Variants in INPP4B observed in about 807,000 individuals in gnomAD.
The protein encoded by INPP4B is inositol polyphosphate 4-phosphatase type II.
Under a neutral mutation model 122.5 loss-of-function variants are expected in INPP4B, and 55 were observed. The ratio of observed to expected loss-of-function variants is 0.45; its 90% CI spans 0.36 to 0.56. The LOEUF is 0.56. Ranked by LOEUF, INPP4B falls within the 20% of genes least tolerant of loss-of-function variation. The pLI is 0.00. For synonymous variants in INPP4B, 403 were observed against 388.7 expected (o/e 1.04, Z -0.43); for missense variants, 1,000 against 1,097.7 (o/e 0.91, Z 1.26).
intron 21 of INPP4B, among the ~76,000 whole-genome samples, chr4:142,116,828 A>C (rs1252528194): frequency 6.6e-6 from 1 of 152,198 alleles, no homozygotes; most frequent in Admixed American, 6.5e-5. Flanking sequence ...GAACTGAAGG[A>C]GATAGAGACA....
chr4:142,358,649 A>AC (rs1784385192), intron 7 of INPP4B, among the ~76,000 whole-genome samples: 1 of 85,814 alleles, frequency 1.2e-5, no homozygotes. Context: ...TCAGTGATTT[A>AC]TAAAAAAAAA....
At chr4:142,446,431 AC>A (rs1344972116) in intron 3 of INPP4B, among the ~76,000 whole-genome samples, 1 of 152,140 alleles carries the variant, frequency 6.6e-6, no homozygotes, top group Non-Finnish European at 1.5e-5. Context: ...AGTAACATAA[AC>A]TTTTATAAAC....
intron 3 of INPP4B, among the ~76,000 whole-genome samples, chr4:142,458,463 A>G (rs1243162347): frequency 6.6e-6 from 1 of 152,144 alleles, no homozygotes; most frequent in East Asian, 1.9e-4. Flanking sequence ...AAAATATTTT[A>G]GAAGTGGTCA....
chr4:142,562,302 T>C (rs1559709), intron 2 of INPP4B, among the ~76,000 whole-genome samples: 38,065 of 152,128 alleles, frequency 0.25, 5,927 homozygotes, highest in East Asian at 0.77. Flanking sequence ...TGAATGATTG[T>C]TATAAGCCTC....
chr4:142,239,633 A>G (rs78716073), intron 11 of INPP4B, among the ~76,000 whole-genome samples: 1 of 152,276 alleles, frequency 6.6e-6, no homozygotes, highest in African/African-American at 2.4e-5. Flanking sequence ...TACTGCTTCT[A>G]TTATAGTATC....
intron 2 of INPP4B, among the ~76,000 whole-genome samples, chr4:142,711,764 T>C (rs1763147177): frequency 6.6e-6 from 1 of 152,112 alleles, no homozygotes; most frequent in Non-Finnish European, 1.5e-5. Flanking sequence ...ATAAGAGGTG[T>C]AGGCTGGGCA....
At chr4:142,258,420 T>C (rs1737696796) in intron 11 of INPP4B, among the ~76,000 whole-genome samples, 2 of 152,050 alleles carry the variant, frequency 1.3e-5, no homozygotes, top group Admixed American at 1.3e-4. Flanking sequence ...ACAGGCAACC[T>C]ACAAAATGGG....
intron 25 of INPP4B, among the ~76,000 whole-genome samples, chr4:142,033,669 T>TA (rs1741891531): frequency 4.3e-4 from 1 of 2,320 alleles, no homozygotes; most frequent in Non-Finnish European, 1.3e-3. Flanking sequence ...CTCCATTTCA[T>TA]TTTTTTTTTT....
At chr4:142,647,567 A>C (rs776112147) in intron 2 of INPP4B, among the ~76,000 whole-genome samples, 20 of 152,194 alleles carry the variant, frequency 1.3e-4, no homozygotes, top group Non-Finnish European at 2.4e-4. Flanking sequence ...CAGTGTCCCC[A>C]GAGGTGTTTT....
chr4:142,250,968 A>G (rs544262840), intron 11 of INPP4B, among the ~76,000 whole-genome samples: 41 of 152,230 alleles, frequency 2.7e-4, no homozygotes, highest in Non-Finnish European at 5.3e-4. Context: ...TTTTTGTCAT[A>G]TTACAATTTA....
At chr4:142,627,051 C>A (rs972610857) in intron 2 of INPP4B, among the ~76,000 whole-genome samples, 1 of 151,994 alleles carries the variant, frequency 6.6e-6, no homozygotes, top group African/African-American at 2.4e-5. Context: ...TAGTCTCCTA[C>A]TACAAGAGCC....
intron 11 of INPP4B, among the ~76,000 whole-genome samples, chr4:142,253,033 G>A (rs1305941293): frequency 6.6e-6 from 1 of 152,160 alleles, no homozygotes; most frequent in Non-Finnish European, 1.5e-5. Context: ...TGTATAGTAT[G>A]TTACTGTGCA....
intron 9 of INPP4B, among the ~76,000 whole-genome samples, chr4:142,281,300 T>C (rs570862487): frequency 8.1e-4 from 122 of 151,460 alleles, no homozygotes; most frequent in African/African-American, 2.8e-3. Flanking sequence ...GATACACTTA[T>C]AAGGCCAGGT....
At chr4:142,372,001 C>T (rs528349571) in intron 7 of INPP4B, among the ~76,000 whole-genome samples, 3 of 152,114 alleles carry the variant, frequency 2.0e-5, no homozygotes, top group Admixed American at 6.6e-5. Flanking sequence ...TATCACAGCA[C>T]TATTCACAGC....
intron 2 of INPP4B, among the ~76,000 whole-genome samples, chr4:142,703,722 A>G (rs1221797944): frequency 1.3e-5 from 2 of 152,202 alleles, no homozygotes; most frequent in Non-Finnish European, 2.9e-5. Context: ...TGGGATAAAA[A>G]TGGGCTCCTC....
At chr4:142,315,428 A>G (rs1767183082) in intron 7 of INPP4B, among the ~76,000 whole-genome samples, 1 of 152,090 alleles carries the variant, frequency 6.6e-6, no homozygotes, top group African/African-American at 2.4e-5. Context: ...CAAGCTTTCC[A>G]AAAAGGTGTT....
chr4:142,379,028 T>C (rs1273224826), intron 7 of INPP4B, among the ~76,000 whole-genome samples: 1 of 152,146 alleles, frequency 6.6e-6, no homozygotes, highest in Non-Finnish European at 1.5e-5. Context: ...TCCTATCCAA[T>C]TAATATTTTC....
chr4:142,383,977 A>G, intron 7 of INPP4B: 2 of 656,234 alleles, frequency 3.0e-6, no homozygotes. Flanking sequence ...TGCAGCTGTC[A>G]AGAAGCTCAT....
chr4:142,691,793 ACT>A (rs1050267781), intron 2 of INPP4B, among the ~76,000 whole-genome samples: 30 of 151,734 alleles, frequency 2.0e-4, no homozygotes, highest in African/African-American at 6.8e-4. Context: ...AGCTATAAAA[ACT>A]CTGCATCAAA....
Sources: allele counts gnomAD v4.1 joint callset (sites outside exome capture counted in the v4.1 genomes callset), GRCh38; gene constraint gnomAD v4.1.1; transcripts MANE v1.5; gene names NCBI Gene and HGNC (gene_info 2026-07-23, HGNC 2026-07-21).